The following MARCHF3 variants were observed in gnomAD, a reference collection of about 807,000 sequenced individuals.
MARCHF3 encodes the protein E3 ubiquitin-protein ligase MARCHF3.
Under a neutral mutation model 24.2 loss-of-function variants are expected in MARCHF3, and 13 were observed. The ratio of observed to expected loss-of-function variants is 0.54; its 90% confidence interval spans 0.35 to 0.85. The LOEUF (loss-of-function observed/expected upper bound fraction) is 0.85. Ranked by LOEUF, MARCHF3 falls within the 40% of genes least tolerant of loss-of-function variation. The pLI is 0.01. For synonymous variants in MARCHF3, 144 were observed against 137.3 expected (o/e 1.05, Z -0.34); for missense variants, 276 against 325.0 (o/e 0.85, Z 1.16).
chr5:126,934,861 G>A (rs1361016627), intron 1 of MARCHF3, among the ~76,000 whole-genome samples: 3 of 152,110 alleles, frequency 2.0e-5, no homozygotes, highest in African/African-American at 7.2e-5. Context: ...CTGTCTACCA[G>A]GCCCAGGTCC....
intron 1 of MARCHF3, among the ~76,000 whole-genome samples, chr5:126,990,516 G>A (rs968967671): frequency 4.6e-5 from 7 of 152,152 alleles, no homozygotes; most frequent in African/African-American, 1.7e-4. Context: ...AACATCAAAA[G>A]CAATGGCAAC....
chr5:126,911,257 TG>T (rs762802092), intron 3 of MARCHF3, among the ~76,000 whole-genome samples: 5 of 152,200 alleles, frequency 3.3e-5, no homozygotes, highest in Non-Finnish European at 5.9e-5. Context: ...ATGTGATCTC[TG>T]TGACCCACAC....
At chr5:126,877,688 G>T (rs752125095) in intron 4 of MARCHF3, among the ~76,000 whole-genome samples, 1 of 152,178 alleles carries the variant, frequency 6.6e-6, no homozygotes, top group Non-Finnish European at 1.5e-5. Flanking sequence ...TAATCACCAG[G>T]CAAAGTGCGG....
At chr5:127,027,606 G>A (rs1028004071) in intron 1 of MARCHF3, among the ~76,000 whole-genome samples, 2 of 152,122 alleles carry the variant, frequency 1.3e-5, no homozygotes, top group Non-Finnish European at 2.9e-5. Flanking sequence ...GTTTCATCAG[G>A]CAGACTTCCT....
At position 126,869,927 on chromosome 5, in the gene MARCHF3, TGAAAG is replaced by T. The variant is rs1164961946; in HGVS notation, c.*701_*705del. ...TATCAGCTGTCAGTACCAAACAAGT[TGAAAG>T]GAGCGAGCTTCTCACCATATTTTTT... On this transcript the variant is annotated 3_prime_UTR_variant, in exon 5 of 5. Coordinates refer to ENST00000308660, the MANE Select transcript of MARCHF3 (RefSeq NM_178450.5). 1 of 152,558 alleles carries T rather than the reference TGAAAG, an allele frequency of 6.6e-6. No individual in the cohort carries two copies. The highest frequency in any genetic ancestry group is 1.5e-5 in the Non-Finnish European group (1 of 68,038). 9.5% of individuals were successfully genotyped at this position (152,558 alleles called of 1,614,324 possible).
chr5:126,880,662 C>T (rs533838023), intron 3 of MARCHF3, among the ~76,000 whole-genome samples: 27 of 152,186 alleles, frequency 1.8e-4, no homozygotes, highest in South Asian at 6.2e-4. Context: ...GATCTCTACT[C>T]TTATTTAGAT....
intron 1 of MARCHF3, among the ~76,000 whole-genome samples, chr5:126,980,654 C>A (rs1490696795): frequency 6.6e-6 from 1 of 152,126 alleles, no homozygotes; most frequent in African/African-American, 2.4e-5. Flanking sequence ...CAGGTGTGAG[C>A]CACCACGCCT....
intron 1 of MARCHF3, among the ~76,000 whole-genome samples, chr5:126,951,408 A>G (rs952243381): frequency 1.2e-4 from 19 of 152,120 alleles, no homozygotes; most frequent in Non-Finnish European, 5.9e-5. Context: ...TCTCTGCTCA[A>G]TACTTGTATG....
In MARCHF3 at chr5:126,871,713, T is replaced by TC. The variant is rs1491544232; in HGVS notation, c.604-923_604-922insG. Among the ~76,000 whole-genome samples the TC allele has an allele frequency of 2.6e-5, 3 of 116,714 alleles. 1 individual carries two copies. Among genetic ancestry groups the TC allele is most frequent in the South Asian group, 5.8e-4 (2 of 3,454 alleles). The allele number at this position is 116,714 out of a possible 152,430, so 76.6% of individuals were successfully genotyped here. A position where few individuals can be genotyped will look rare whatever the true frequency, so the allele number is the denominator to read the frequency against. On this transcript the variant is annotated intron_variant, in intron 4 of 4. Transcript: ENST00000308660. Reference sequence around the variant, plus strand: ...TGCTTCAAACTTAAGCCTCTCTCTCTTTTTTTTTTTTTTGGATGGAGTCTT... The same window carrying TC: ...TGCTTCAAACTTAAGCCTCTCTCTCTCTTTTTTTTTTTTTGGATGGAGTCTT...
intron 1 of MARCHF3, among the ~76,000 whole-genome samples, chr5:126,928,512 T>C (rs1749370339): frequency 6.6e-6 from 1 of 152,206 alleles, no homozygotes; most frequent in South Asian, 2.1e-4. Context: ...AATTCTCAGA[T>C]AATGACCTTT....
intron 1 of MARCHF3, among the ~76,000 whole-genome samples, chr5:126,924,656 G>C (rs80093158): frequency 0.02 from 3,101 of 152,262 alleles, 74 homozygotes; most frequent in South Asian, 0.12. Context: ...CCTTTCCAAT[G>C]AAAATAGAGC....
At chr5:126,876,017 G>T (rs1471671294) in intron 4 of MARCHF3, among the ~76,000 whole-genome samples, 1 of 152,146 alleles carries the variant, frequency 6.6e-6, no homozygotes, top group Non-Finnish European at 1.5e-5. Flanking sequence ...CACTGCCCGT[G>T]AGAAACATTT....
chr5:126,892,214 T>C lies in MARCHF3; in HGVS notation c.394-13820A>G, dbSNP rs1389429847. The stretch of plus-strand genomic sequence containing the variant: ...CTGAGGCAATGGGGTTTTCTAGATA[T>C]ACAATCATGTCGTCTGCAAACAGGG... On this transcript the variant is annotated intron_variant, in intron 3 of 4. Coordinates refer to ENST00000308660, the MANE Select transcript of MARCHF3 (RefSeq NM_178450.5). Among the ~76,000 whole-genome samples the C allele has an allele frequency of 2.1e-5, 3 of 142,416 alleles. No homozygotes were observed. The Admixed American group carries it at 2.2e-4, about 10-fold the overall frequency. The allele number at this position is 142,416 out of a possible 152,430, so 93.4% of individuals were successfully genotyped here. A position where few individuals can be genotyped will look rare whatever the true frequency, so the allele number is the denominator to read the frequency against.
intron 1 of MARCHF3, 135 bp from the exon 2 acceptor site, chr5:126,918,362 T>G (rs1748980241): frequency 1.6e-6 from 1 of 607,038 alleles, no homozygotes; most frequent in East Asian, 2.8e-5. Context: ...CACATTATCT[T>G]GTTACTGTTT....
intron 1 of MARCHF3, among the ~76,000 whole-genome samples, chr5:126,954,563 G>A (rs1157949043): frequency 6.6e-6 from 1 of 151,130 alleles, no homozygotes; most frequent in African/African-American, 2.4e-5. Flanking sequence ...GTAGAGAGGG[G>A]TCTCCCTATG....
intron 3 of MARCHF3, chr5:126,898,800 T>C (rs1360877466): frequency 2.5e-5 from 24 of 953,176 alleles, no homozygotes; most frequent in Non-Finnish European, 2.9e-5. Context: ...TGAACCTCAC[T>C]ACTTATTCCA....
intron 3 of MARCHF3, among the ~76,000 whole-genome samples, chr5:126,908,286 A>C (rs1466036228): frequency 6.6e-6 from 1 of 151,988 alleles, no homozygotes; most frequent in African/African-American, 2.4e-5. Context: ...GGTGAATCTG[A>C]CAATTATGTG....
chr5:126,890,753 T>G (rs964261762), intron 3 of MARCHF3, among the ~76,000 whole-genome samples: 15 of 150,576 alleles, frequency 1.0e-4, no homozygotes, highest in East Asian at 1.9e-4. Flanking sequence ...AACATACATG[T>G]GCATGTGTCT....
chr5:126,943,849 C>T (rs1473868129), intron 1 of MARCHF3, among the ~76,000 whole-genome samples: 6 of 151,758 alleles, frequency 4.0e-5, no homozygotes, highest in Non-Finnish European at 5.9e-5. Context: ...CTCGCTCTGT[C>T]GCTCAGGCTG....
Sources: allele counts gnomAD v4.1 joint callset (sites outside exome capture counted in the v4.1 genomes callset), GRCh38; gene constraint gnomAD v4.1.1; transcripts MANE v1.5; gene names NCBI Gene and HGNC (gene_info 2026-07-23, HGNC 2026-07-21).